The following TSBP1 variants were observed in gnomAD, a reference collection of about 807,000 sequenced individuals.
TSBP1 encodes testis expressed basic protein 1.
In TSBP1, 56 loss-of-function variants were observed where a neutral mutation model predicts 68.8. The observed-to-expected ratio is 0.81, with a 90% CI of 0.66 to 1.02. TSBP1 has a LOEUF of 1.02. Ranked by LOEUF, TSBP1 falls within the 50% of genes least tolerant of loss-of-function variation. The probability of loss-of-function intolerance (pLI) is 0.00; values close to 1 mark genes in which losing one functional copy is unlikely to be tolerated. For missense variants in TSBP1, 502 were observed against 641.2 expected (o/e 0.78, Z 2.34); for synonymous variants, 171 against 208.7 (o/e 0.82, Z 1.56).
chr6:32,336,656 A>G lies in TSBP1; in HGVS notation c.410-21T>C, dbSNP rs148888883. 6.6e-3 allele frequency: 10,557 copies of G among 1,610,112 alleles called. 178 individuals are homozygous for G. Among genetic ancestry groups the G allele is most frequent in the South Asian group, 0.018 (1,647 of 90,964 alleles). On this transcript the variant is annotated intron_variant, in intron 11 of 22. Transcript: ENST00000612031. The surrounding 1 kb of genome is among the most constrained non-coding windows in gnomAD (Gnocchi z 5.2). Reference sequence around the variant, plus strand: ...TTGCACTGAAATACAAAAAGGAGGAAAGTGTGGTTTGACATTAATAGAATT... The same window carrying G: ...TTGCACTGAAATACAAAAAGGAGGAGAGTGTGGTTTGACATTAATAGAATT...
chr6:32,319,170 A>G (rs1767322204), intron 18 of TSBP1, among the ~76,000 whole-genome samples: 1 of 152,148 alleles, frequency 6.6e-6, no homozygotes, highest in Admixed American at 6.5e-5. Context: ...CTCATTCGTC[A>G]AGTTTCTTAG....
At chr6:32,352,372 A>G (rs1400901586) in intron 8 of TSBP1, among the ~76,000 whole-genome samples, 20 of 151,942 alleles carry the variant, frequency 1.3e-4, no homozygotes, top group Non-Finnish European at 1.9e-4. Context: ...ATTTTTAAAG[A>G]AAAGTTAAAT....
chr6:32,347,505 T>C (rs980496485), intron 9 of TSBP1, among the ~76,000 whole-genome samples: 6 of 152,156 alleles, frequency 3.9e-5, no homozygotes, highest in South Asian at 2.1e-4. Flanking sequence ...GAAACTCCTG[T>C]TGTCTTTGAA....
intron 16 of TSBP1, among the ~76,000 whole-genome samples, chr6:32,326,502 T>C (rs1238229318): frequency 2.6e-5 from 4 of 152,196 alleles, no homozygotes; most frequent in Non-Finnish European, 5.9e-5. Flanking sequence ...GAAAAAAATA[T>C]ATATTTGTGT....
intron 21 of TSBP1, among the ~76,000 whole-genome samples, chr6:32,300,300 G>T (rs1292262613): frequency 6.6e-6 from 1 of 152,006 alleles, no homozygotes; most frequent in Non-Finnish European, 1.5e-5. Flanking sequence ...GTATATTGTT[G>T]ATCAATTACC....
At chr6:32,311,659 T>C in intron 19 of TSBP1, among the ~76,000 whole-genome samples, 1 of 152,114 alleles carries the variant, frequency 6.6e-6, no homozygotes, top group East Asian at 1.9e-4. Flanking sequence ...GGGCAGGAGA[T>C]TTAAGAGTCT....
intron 6 of TSBP1, among the ~76,000 whole-genome samples, chr6:32,360,538 T>C (rs1772886128): frequency 6.6e-6 from 1 of 152,192 alleles, no homozygotes; most frequent in Non-Finnish European, 1.5e-5. Flanking sequence ...AGGATAATGA[T>C]TTTTATTTCC....
At chr6:32,351,895 C>T (rs1771755678) in intron 8 of TSBP1, among the ~76,000 whole-genome samples, 1 of 151,958 alleles carries the variant, frequency 6.6e-6, no homozygotes, top group South Asian at 2.1e-4. Flanking sequence ...AATATATTTA[C>T]TTAGGAACAA....
chr6:32,294,080 C>A, intron 22 of TSBP1, 45 bp from the exon 26 acceptor site: 2 of 1,589,624 alleles, frequency 1.3e-6, no homozygotes, highest in Non-Finnish European at 1.7e-6. Flanking sequence ...CAAGTATTTT[C>A]TCTTTATTTC....
intron 6 of TSBP1, among the ~76,000 whole-genome samples, chr6:32,356,020 A>G (rs1408949150): frequency 6.6e-6 from 1 of 152,234 alleles, no homozygotes. Context: ...ATGGCAAATT[A>G]TAATGAATGC....
chr6:32,331,463 A>G (rs1769007949), intron 15 of TSBP1, among the ~76,000 whole-genome samples: 1 of 152,200 alleles, frequency 6.6e-6, no homozygotes, highest in Non-Finnish European at 1.5e-5. Context: ...AAACTGCACC[A>G]TTTTGTAAGC....
chr6:32,368,893 T>G, intron 2 of TSBP1, 79 bp from the exon 3 acceptor site: 2 of 1,485,086 alleles, frequency 1.3e-6, no homozygotes, highest in Non-Finnish European at 1.8e-6. Context: ...CTTCTCACTC[T>G]AAGCTATGCT....
At chr6:32,297,839 G>A (rs982570642) in intron 22 of TSBP1, among the ~76,000 whole-genome samples, 11 of 151,790 alleles carry the variant, frequency 7.2e-5, no homozygotes, top group Non-Finnish European at 8.8e-5. Context: ...TGGGAGGATC[G>A]CTTGAGGCCA....
chr6:32,369,411 C>T (rs1774138671), intron 2 of TSBP1, among the ~76,000 whole-genome samples: 2 of 136,976 alleles, frequency 1.5e-5, no homozygotes, highest in Admixed American at 1.5e-4. Flanking sequence ...TGCACTGTCA[C>T]CCAGGCTGGA....
Position 32,294,013 on chromosome 6 carries a change from A to G in TSBP1, c.660T>C (p.Asp220=), listed in dbSNP as rs55987614. 11,917 of 1,610,618 alleles carry G rather than the reference A, an allele frequency of 7.4e-3. 124 individuals are homozygous for G. In the Middle Eastern group the frequency reaches 0.085, roughly 11 times the overall value. ...AACAAGATTTTTTTGCAAGTTCTTCATCCATGTAACCTGTTAATATAACTG... is the reference window on the plus strand; with the variant it reads ...AACAAGATTTTTTTGCAAGTTCTTCGTCCATGTAACCTGTTAATATAACTG... Residue 220 remains aspartate (D), a synonymous_variant, in exon 23 of 23, where the codon GAT becomes GAC. Transcript: ENST00000612031.
chr6:32,294,873 C>CTT (rs578120947), intron 22 of TSBP1, among the ~76,000 whole-genome samples: 5,771 of 151,602 alleles, frequency 0.038, 301 homozygotes, highest in African/African-American at 0.12. Context: ...TTTTTATTTG[C>CTT]TTTTGTTTTT....
In TSBP1 at chr6:32,304,150, A is replaced by C. The variant is rs1205046178; in HGVS notation, c.581-1521T>G. On this transcript the variant is annotated intron_variant, in intron 19 of 22. Coordinates refer to ENST00000612031, the Ensembl canonical transcript of TSBP1. The surrounding 1 kb of genome is among the most constrained non-coding windows in gnomAD (Gnocchi z 4.8). The stretch of plus-strand genomic sequence containing the variant: ...TTAAAAGACAAAGACAGGAAGAAGA[A>C]AGAAAGAAAGGAAGGAAGAAGAAAG... Among the ~76,000 whole-genome samples the C allele has an allele frequency of 6.6e-6, 1 of 152,024 alleles. No individual in the cohort carries two copies. The highest frequency in any genetic ancestry group is 1.5e-5 in the Non-Finnish European group (1 of 68,020).
Position 32,316,249 on chromosome 6 carries a change from T to A in TSBP1, c.560-457A>T. The A allele has an allele frequency of 1.7e-6, 1 of 605,244 alleles. No homozygotes were observed. The allele number at this position is 605,244 out of a possible 1,614,324, so 37.5% of individuals were successfully genotyped here. On this transcript the variant is annotated intron_variant, in intron 18 of 22. Coordinates refer to ENST00000612031, the Ensembl canonical transcript of TSBP1. The surrounding 1 kb of genome is among the most constrained non-coding windows in gnomAD (Gnocchi z 4.5). ...ATCCTAGCTTAGTCCCTCTTTTAATTAGTGTTTAAAAAGATTCTCTGTAAT... is the reference window on the plus strand; with the variant it reads ...ATCCTAGCTTAGTCCCTCTTTTAATAAGTGTTTAAAAAGATTCTCTGTAAT...
At position 32,310,266 on chromosome 6, in the gene TSBP1, GTA is replaced by G. The variant is rs1491299338; in HGVS notation, c.580+5504_580+5505del. On this transcript the variant is annotated intron_variant, in intron 19 of 22. Transcript: ENST00000612031. ...GGCACATGTAAGTGTGTGTGTGTGT[GTA>G]TATATCTGTCTGTGTGTTTTAAAGT... Among the ~76,000 whole-genome samples the G allele has an allele frequency of 5.1e-5, 7 of 136,948 alleles. No individual in the cohort carries two copies. In the South Asian group the frequency reaches 7.5e-4, roughly 15 times the overall value. 89.8% of individuals were successfully genotyped at this position (136,948 alleles called of 152,430 possible). A position where few individuals can be genotyped will look rare whatever the true frequency, so the allele number is the denominator to read the frequency against.
Sources: gnomAD v4.1 joint callset for allele counts (sites outside exome capture counted in the v4.1 genomes callset) on GRCh38, gnomAD v4.1.1 for gene constraint, Gnocchi (gnomAD v3.1) non-coding constraint, MANE v1.5 for transcripts, NCBI Gene and HGNC (gene_info 2026-07-23, HGNC 2026-07-21) for gene names.